Variants in MYMX observed in about 807,000 individuals in gnomAD.
The protein encoded by MYMX is myomixer, myoblast fusion factor.
At position 44,217,595 on chromosome 6, in the gene MYMX, T is replaced by TCCCAGGACATGGAG; in HGVS notation, c.135_136insGAGCCCAGGACATG (p.Arg46GlufsTer40). 2.5e-6 allele frequency: 1 copy of TCCCAGGACATGGAG among 401,962 alleles called. No homozygotes were observed. Among genetic ancestry groups the TCCCAGGACATGGAG allele is most frequent in the Non-Finnish European group, 4.4e-6 (1 of 227,112 alleles). The allele number at this position is 401,962 out of a possible 1,614,324, so 24.9% of individuals were successfully genotyped here. A position where few individuals can be genotyped will look rare whatever the true frequency, so the allele number is the denominator to read the frequency against. On this transcript the variant is annotated frameshift_variant, in exon 2 of 2. Coordinates refer to ENST00000573382, the MANE Select transcript of MYMX (RefSeq NM_001315494.2). LOFTEE classifies it high-confidence loss of function. ...GCGCCGATTGGCCCGCCGCCTGGGC[T>TCCCAGGACATGGAG]CCCAGGACATGCGAGAGGCTTTGCT...
chr6:44,198,008 G>C, the MYMX span, among the ~76,000 whole-genome samples: 1 of 152,004 alleles, frequency 6.6e-6, no homozygotes, highest in Admixed American at 6.6e-5. Context: ...ATCTTTTGTA[G>C]TATCAAAAGA....
chr6:44,216,390 C>G (rs948297509), upstream of MYMX, among the ~76,000 whole-genome samples: 7 of 151,822 alleles, frequency 4.6e-5, no homozygotes. Flanking sequence ...TGGCTCAGGC[C>G]TATAATCTCA....
At chr6:44,214,608 C>T (rs1309132635), upstream of MYMX, among the ~76,000 whole-genome samples, 3 of 152,120 alleles carry the variant, frequency 2.0e-5, no homozygotes, top group Non-Finnish European at 2.9e-5. Flanking sequence ...AGTCTCACTC[C>T]GTTGCCCAGA....
the MYMX span, among the ~76,000 whole-genome samples, chr6:44,210,781 A>G: frequency 7.9e-5 from 12 of 152,222 alleles, no homozygotes; most frequent in Non-Finnish European, 1.6e-4. Flanking sequence ...TCTTATTATA[A>G]AGGAACTAGA....
the MYMX span, among the ~76,000 whole-genome samples, chr6:44,205,876 A>T: frequency 6.7e-6 from 1 of 148,526 alleles, no homozygotes; most frequent in African/African-American, 2.5e-5. Context: ...GCTACTTGGG[A>T]GGCTGAGGTG....
the MYMX span, among the ~76,000 whole-genome samples, chr6:44,205,951 G>A: frequency 1.4e-4 from 18 of 127,598 alleles, no homozygotes; most frequent in South Asian, 5.2e-4. Context: ...CTGCACTCCA[G>A]TCTGAGAGAC....
chr6:44,205,361 A>G, the MYMX span, among the ~76,000 whole-genome samples: 1 of 152,176 alleles, frequency 6.6e-6, no homozygotes, highest in African/African-American at 2.4e-5. Context: ...TGGAAGAGGA[A>G]AAGGACAAAG....
the MYMX span, among the ~76,000 whole-genome samples, chr6:44,197,237 AAAAC>A: frequency 5.8e-4 from 88 of 152,148 alleles, no homozygotes; most frequent in Admixed American, 1.5e-3. Context: ...CTTCATCTCA[AAAAC>A]AAACAAACAG....
the MYMX span, among the ~76,000 whole-genome samples, chr6:44,193,873 A>T: frequency 6.6e-6 from 1 of 152,232 alleles, no homozygotes; most frequent in South Asian, 2.1e-4. Context: ...AATCCCAGCT[A>T]CTCGGAAGGC....
chr6:44,216,601 G>A (rs112860607), upstream of MYMX, among the ~76,000 whole-genome samples: 5,925 of 145,274 alleles, frequency 0.041, 392 homozygotes, highest in African/African-American at 0.14. Context: ...GCAATGAGCC[G>A]AGATCCTGCC....
At chr6:44,205,061 A>G in the MYMX span, among the ~76,000 whole-genome samples, 18 of 152,124 alleles carry the variant, frequency 1.2e-4, no homozygotes, top group Non-Finnish European at 5.9e-5. Context: ...TGAGCATGGG[A>G]GAGACACACT....
At chr6:44,207,433 C>T in the MYMX span, among the ~76,000 whole-genome samples, 1 of 152,208 alleles carries the variant, frequency 6.6e-6, no homozygotes, top group Non-Finnish European at 1.5e-5. Context: ...GCCACCGTGC[C>T]TGGTGGTCTT....
the MYMX span, among the ~76,000 whole-genome samples, chr6:44,199,477 C>T: frequency 2.6e-5 from 4 of 152,178 alleles, no homozygotes; most frequent in Non-Finnish European, 4.4e-5. Context: ...GGATTACAGG[C>T]GTGAGCCCCC....
the MYMX span, among the ~76,000 whole-genome samples, chr6:44,201,646 A>C: frequency 6.6e-6 from 1 of 152,240 alleles, no homozygotes; most frequent in Non-Finnish European, 1.5e-5. Context: ...GGTGCCTTGC[A>C]TCAGGCCTCC....
the MYMX span, among the ~76,000 whole-genome samples, chr6:44,198,708 G>T: frequency 7.6e-4 from 114 of 149,134 alleles, no homozygotes; most frequent in Middle Eastern, 0.01. Flanking sequence ...AATGCCACCA[G>T]AATTTTTTTT....
chr6:44,217,881 C>T lies in MYMX; in HGVS notation c.*155C>T, dbSNP rs899248549. On this transcript the variant is annotated 3_prime_UTR_variant, in exon 2 of 2. Coordinates refer to ENST00000573382, the MANE Select transcript of MYMX (RefSeq NM_001315494.2). ...TCTGCCACAGACATGCCTCTCCACT[C>T]CCAACAGAAATGTCTTTCTGGAAGA... is the stretch of plus-strand genomic sequence containing the variant. The T allele has an allele frequency of 1.0e-5, 4 of 398,680 alleles. No individual in the cohort carries two copies. Among genetic ancestry groups the T allele is most frequent in the African/African-American group, 8.2e-5 (4 of 48,660 alleles). 24.7% of individuals were successfully genotyped at this position (398,680 alleles called of 1,614,324 possible). A position where few individuals can be genotyped will look rare whatever the true frequency, so the allele number is the denominator to read the frequency against.
At chr6:44,215,763 C>T (rs1395691110), upstream of MYMX, among the ~76,000 whole-genome samples, 2 of 151,416 alleles carry the variant, frequency 1.3e-5, no homozygotes, top group South Asian at 2.1e-4. Flanking sequence ...GGCATCGTGG[C>T]GGGTGCCTGT....
the MYMX span, among the ~76,000 whole-genome samples, chr6:44,198,248 C>T: frequency 8.1e-5 from 12 of 148,042 alleles, no homozygotes; most frequent in Non-Finnish European, 1.3e-4. Context: ...CTGCAACCTC[C>T]GCCTCCTGGG....
At chr6:44,197,857 G>A in the MYMX span, among the ~76,000 whole-genome samples, 4 of 152,276 alleles carry the variant, frequency 2.6e-5, no homozygotes, top group East Asian at 7.7e-4. Context: ...AAAATGCTGG[G>A]ATTACAGGGG....
Sources: gnomAD v4.1 joint callset for allele counts (sites outside exome capture counted in the v4.1 genomes callset) on GRCh38, gnomAD v4.1.1 for gene constraint, MANE v1.5 for transcripts, NCBI Gene and HGNC (gene_info 2026-07-23, HGNC 2026-07-21) for gene names.